NRXN1: variants seen among roughly 807,000 people sequenced by gnomAD.
NRXN1 encodes neurexin 1.
A neutral mutation model predicts 150.9 loss-of-function variants in NRXN1; 39 were observed. The observed-to-expected ratio is 0.26, with a 90% CI of 0.20 to 0.34. The LOEUF is 0.34. Among genes scored for constraint, NRXN1 ranks in the 10% least tolerant of loss-of-function variants. NRXN1 has a pLI of 1.00. For synonymous variants in NRXN1, 924 were observed against 757.0 expected (o/e 1.22, Z -3.62); for missense variants, 1,815 against 1,949.9 (o/e 0.93, Z 1.30).
At chr2:50,745,561 T>C (rs1374411592) in intron 5 of NRXN1, among the ~76,000 whole-genome samples, 2 of 152,048 alleles carry the variant, frequency 1.3e-5, no homozygotes, top group Admixed American at 6.6e-5. Flanking sequence ...ATTAGTTCAT[T>C]CCCATGCTGC....
chr2:50,819,861 T>G (rs1253320661), intron 5 of NRXN1, among the ~76,000 whole-genome samples: 1 of 152,102 alleles, frequency 6.6e-6, no homozygotes, highest in Non-Finnish European at 1.5e-5. Flanking sequence ...GGTACTTTAC[T>G]GTTAACACTG....
At chr2:50,599,346 T>C (rs4467312) in intron 8 of NRXN1, among the ~76,000 whole-genome samples, 34,560 of 152,060 alleles carry the variant, frequency 0.23, 4,061 homozygotes, top group Middle Eastern at 0.29. Flanking sequence ...TCCAAATAAA[T>C]TGTGCCTTTA....
intron 18 of NRXN1, among the ~76,000 whole-genome samples, chr2:50,114,996 C>T (rs552329190): frequency 6.6e-6 from 1 of 151,806 alleles, no homozygotes; most frequent in East Asian, 1.9e-4. Context: ...TAAACCCTAA[C>T]GTAAACTATG....
intron 12 of NRXN1, among the ~76,000 whole-genome samples, chr2:50,525,639 A>G (rs990144085): frequency 6.6e-6 from 1 of 152,182 alleles, no homozygotes; most frequent in African/African-American, 2.4e-5. Flanking sequence ...GTGCAGTCAC[A>G]CTCTGTAATC....
chr2:50,920,071 A>T, intron 5 of NRXN1: 1 of 304,018 alleles, frequency 3.3e-6, no homozygotes, highest in Non-Finnish European at 7.4e-6. Flanking sequence ...ACAATATGAA[A>T]TGGGTACCAA....
At chr2:51,014,852 C>T (rs1199736976) in intron 2 of NRXN1, among the ~76,000 whole-genome samples, 2 of 152,064 alleles carry the variant, frequency 1.3e-5, no homozygotes, top group African/African-American at 4.8e-5. Flanking sequence ...TAGTGCCTGA[C>T]ACACTGTGAG....
At chr2:51,002,833 T>C (rs898574676) in intron 2 of NRXN1, among the ~76,000 whole-genome samples, 1 of 151,984 alleles carries the variant, frequency 6.6e-6, no homozygotes, top group East Asian at 1.9e-4. Flanking sequence ...CTGTTTTCTT[T>C]CTCTGTTCAT....
chr2:50,921,281 C>A (rs570549975), intron 5 of NRXN1, among the ~76,000 whole-genome samples: 1 of 151,684 alleles, frequency 6.6e-6, no homozygotes, highest in Admixed American at 6.6e-5. Flanking sequence ...CCAAGCAATG[C>A]GGGAATGCAT....
intron 16 of NRXN1, among the ~76,000 whole-genome samples, chr2:50,466,069 G>T (rs1010530349): frequency 7.8e-6 from 1 of 128,194 alleles, no homozygotes; most frequent in African/African-American, 2.9e-5. Context: ...AGGTATGTTG[G>T]CAAGTATCAA....
chr2:50,918,338 T>C (rs1349358453), intron 5 of NRXN1: 1 of 251,698 alleles, frequency 4.0e-6, no homozygotes, highest in East Asian at 6.6e-5. Context: ...CAAGATACAA[T>C]AAGAAAAATG....
rs568017834 is a variant in NRXN1 at position 50,195,910 on chromosome 2, T to C, written c.3546+40879A>G. 5.3e-5 allele frequency among the ~76,000 whole-genome samples: 8 copies of C among 152,202 alleles called. No individual in the cohort carries two copies. The South Asian group carries it at 1.7e-3, about 32-fold the overall frequency. ...AAGGTAGAATATAATAATAGTAATA[T>C]TGTCTGTACTTAATTCCTTGGATGG... On this transcript the variant is annotated intron_variant, in intron 18 of 22. Coordinates refer to ENST00000401669, the MANE Select transcript of NRXN1 (RefSeq NM_001330078.2).
At chr2:49,966,028 A>G (rs1676906015) in intron 21 of NRXN1, among the ~76,000 whole-genome samples, 1 of 152,234 alleles carries the variant, frequency 6.6e-6, no homozygotes, top group African/African-American at 2.4e-5. Context: ...AGAGAAAATC[A>G]AAGTTTCTTG....
chr2:50,758,748 T>C (rs912122152), intron 5 of NRXN1, among the ~76,000 whole-genome samples: 2 of 152,032 alleles, frequency 1.3e-5, no homozygotes, highest in African/African-American at 2.4e-5. Flanking sequence ...TGGATCAACT[T>C]CATGTCAGAA....
At chr2:50,455,320 T>C (rs1376112245) in intron 17 of NRXN1, among the ~76,000 whole-genome samples, 1 of 152,190 alleles carries the variant, frequency 6.6e-6, no homozygotes, top group African/African-American at 2.4e-5. Flanking sequence ...TGGCTTTACA[T>C]GGCCATAGCT....
At chr2:50,178,843 G>C (rs1189149855) in intron 18 of NRXN1, among the ~76,000 whole-genome samples, 1 of 152,106 alleles carries the variant, frequency 6.6e-6, no homozygotes, top group Non-Finnish European at 1.5e-5. Flanking sequence ...AGCTGCCAAA[G>C]ACACAAGTAA....
At chr2:50,937,604 A>G (rs1288606753) in intron 2 of NRXN1, among the ~76,000 whole-genome samples, 2 of 152,144 alleles carry the variant, frequency 1.3e-5, no homozygotes, top group African/African-American at 4.8e-5. Flanking sequence ...TTAGTTAGGC[A>G]TTTCCAAACT....
chr2:50,199,325 A>G (rs929460258), intron 18 of NRXN1: 8 of 152,110 alleles, frequency 5.3e-5, no homozygotes, highest in African/African-American at 1.7e-4. Context: ...TATTTTAGAA[A>G]TCATATTTTG....
intron 9 of NRXN1, 103 bp downstream of exon 9, chr2:50,552,484 A>G: frequency 1.2e-6 from 1 of 827,720 alleles, no homozygotes; most frequent in South Asian, 1.7e-5. Flanking sequence ...TAAAGAAACA[A>G]ATGCAGGAAG....
intron 17 of NRXN1, among the ~76,000 whole-genome samples, chr2:50,362,723 T>C (rs1470416160): frequency 2.6e-5 from 4 of 152,062 alleles, no homozygotes; most frequent in South Asian, 2.1e-4. Flanking sequence ...TGACTTCCTT[T>C]ACCAAATTAG....
Sources: gnomAD v4.1 joint callset for allele counts (sites outside exome capture counted in the v4.1 genomes callset) on GRCh38, gnomAD v4.1.1 for gene constraint, MANE v1.5 for transcripts, NCBI Gene and HGNC (gene_info 2026-07-23, HGNC 2026-07-21) for gene names.